Variants in SGCZ observed in about 807,000 individuals in gnomAD.
SGCZ encodes the protein sarcoglycan zeta.
A neutral mutation model predicts 41.3 loss-of-function variants in SGCZ; 40 were observed. The observed-to-expected ratio is 0.97, with a 90% confidence interval of 0.75 to 1.26. The LOEUF (loss-of-function observed/expected upper bound fraction) is 1.26. Ranked by LOEUF, SGCZ falls within the 50% of genes most tolerant of loss-of-function variation. SGCZ has a pLI of 0.00. For missense variants in SGCZ, 552 were observed against 369.8 expected, an observed-to-expected ratio of 1.49 and a Z score of -4.04; for synonymous variants, 206 against 137.5, an observed-to-expected ratio of 1.50 and a Z score of -3.49.
intron 4 of SGCZ, among the ~76,000 whole-genome samples, chr8:14,187,034 TG>T (rs1396753035): frequency 7.2e-5 from 11 of 152,168 alleles, no homozygotes; most frequent in African/African-American, 2.7e-4. Flanking sequence ...GATTATCAGC[TG>T]GGTCTGGGTC....
chr8:14,340,714 T>TC (rs1419640263), intron 2 of SGCZ, among the ~76,000 whole-genome samples: 1 of 152,092 alleles, frequency 6.6e-6, no homozygotes, highest in Non-Finnish European at 1.5e-5. Context: ...AGCTAGAAAA[T>TC]CTCTGATAAA....
At chr8:14,779,413 A>G (rs966014373) in intron 1 of SGCZ, among the ~76,000 whole-genome samples, 1 of 152,084 alleles carries the variant, frequency 6.6e-6, no homozygotes, top group Non-Finnish European at 1.5e-5. Flanking sequence ...AAGTGCATCC[A>G]CCAAGGCCGG....
intron 1 of SGCZ, among the ~76,000 whole-genome samples, chr8:14,695,193 T>G (rs923633952): frequency 6.6e-6 from 1 of 152,182 alleles, no homozygotes; most frequent in Non-Finnish European, 1.5e-5. Flanking sequence ...GAAATATTTT[T>G]ATGATGATAA....
intron 1 of SGCZ, among the ~76,000 whole-genome samples, chr8:15,051,207 C>T (rs576229216): frequency 1.3e-4 from 20 of 152,012 alleles, no homozygotes; most frequent in African/African-American, 2.7e-4. Context: ...AAGTCGAAAA[C>T]GTAAAGAAAG....
intron 5 of SGCZ, among the ~76,000 whole-genome samples, chr8:14,137,011 C>T (rs377721874): frequency 2.0e-5 from 3 of 152,216 alleles, no homozygotes; most frequent in South Asian, 2.1e-4. Flanking sequence ...GCAGCCTCTA[C>T]TGGTGATACC....
rs547340033 is a variant in SGCZ, at chr8:14,901,294, T to C, written c.39+336291A>G. Among the ~76,000 whole-genome samples the C allele has an allele frequency of 9.8e-5, 15 of 152,298 alleles. 1 individual carries two copies. In the South Asian group the frequency reaches 3.1e-3, roughly 32 times the overall value. ...CTCACTGGTAACCACAGTTTTATTA[T>C]GAGTTGAAGGAACAGAAAGGCATCT... On this transcript the variant is annotated intron_variant, in intron 1 of 7. Transcript: ENST00000382080.
chr8:14,121,925 A>G (rs1378528363), intron 5 of SGCZ, among the ~76,000 whole-genome samples: 2 of 152,224 alleles, frequency 1.3e-5, no homozygotes, highest in Non-Finnish European at 2.9e-5. Flanking sequence ...TGATACATAA[A>G]TAGCCCTACA....
At chr8:14,663,481 C>T (rs947586050) in intron 1 of SGCZ, among the ~76,000 whole-genome samples, 11 of 152,072 alleles carry the variant, frequency 7.2e-5, no homozygotes, top group Non-Finnish European at 1.3e-4. Flanking sequence ...CCACAATTTA[C>T]TGGCTGTGAT....
intron 2 of SGCZ, among the ~76,000 whole-genome samples, chr8:14,456,238 G>T (rs1410595400): frequency 6.6e-6 from 1 of 151,992 alleles, no homozygotes; most frequent in African/African-American, 2.4e-5. Context: ...GTGAAACCCT[G>T]TCTCTACTAA....
In SGCZ at chr8:14,772,997, T is replaced by A. The variant is rs536985975; in HGVS notation, c.40-218071A>T. 2.8e-3 allele frequency among the ~76,000 whole-genome samples: 426 copies of A among 152,234 alleles called. 2 individuals are homozygous for A. The highest frequency in any genetic ancestry group is 0.01 in the Middle Eastern group (3 of 290). On this transcript the variant is annotated intron_variant, in intron 1 of 7. Coordinates refer to ENST00000382080, the MANE Select transcript of SGCZ (RefSeq NM_139167.4). ...CTCTAGTTCTAGATCCCTGAGAAAT[T>A]GCCACACTGACTTCCACAATGGTTG...
intron 1 of SGCZ, among the ~76,000 whole-genome samples, chr8:14,589,124 T>C (rs943450971): frequency 6.6e-6 from 1 of 152,130 alleles, no homozygotes; most frequent in Non-Finnish European, 1.5e-5. Flanking sequence ...ACATGGCACA[T>C]GTATACATAT....
At chr8:14,264,735 G>A (rs1439582876) in intron 3 of SGCZ, among the ~76,000 whole-genome samples, 3 of 152,168 alleles carry the variant, frequency 2.0e-5, no homozygotes. Flanking sequence ...TCCGAGGCGG[G>A]CGGATCACGA....
At chr8:14,978,449 G>A (rs1801555583) in intron 1 of SGCZ, among the ~76,000 whole-genome samples, 1 of 105,684 alleles carries the variant, frequency 9.5e-6, no homozygotes. Context: ...CTAGCCTGGA[G>A]GACCGAGTGA....
intron 1 of SGCZ, among the ~76,000 whole-genome samples, chr8:14,763,719 A>C (rs1369699619): frequency 1.3e-5 from 2 of 152,194 alleles, no homozygotes; most frequent in Non-Finnish European, 2.9e-5. Flanking sequence ...ATCTATCTAC[A>C]ATAAGTAACA....
chr8:14,375,036 G>C (rs1804062085), intron 2 of SGCZ, among the ~76,000 whole-genome samples: 1 of 152,070 alleles, frequency 6.6e-6, no homozygotes, highest in Non-Finnish European at 1.5e-5. Flanking sequence ...ACTGAGTTTG[G>C]TTTAAAGAGA....
chr8:14,429,747 C>T (rs1178466164), intron 2 of SGCZ, among the ~76,000 whole-genome samples: 8 of 150,838 alleles, frequency 5.3e-5, no homozygotes, highest in Non-Finnish European at 7.4e-5. Flanking sequence ...TGTGTGATCT[C>T]GGCCAGCATA....
chr8:14,595,995 G>A (rs995734573), intron 1 of SGCZ, among the ~76,000 whole-genome samples: 1 of 152,176 alleles, frequency 6.6e-6, no homozygotes, highest in Non-Finnish European at 1.5e-5. Flanking sequence ...ACAGAAACAG[G>A]CAGCTGTTGG....
intron 3 of SGCZ, among the ~76,000 whole-genome samples, chr8:14,244,741 C>T (rs1352871566): frequency 6.6e-6 from 1 of 151,946 alleles, no homozygotes; most frequent in South Asian, 2.1e-4. Flanking sequence ...AATGTTCTTC[C>T]ATTTGTTTCT....
chr8:14,570,711 G>A (rs1804524427), intron 1 of SGCZ, among the ~76,000 whole-genome samples: 1 of 152,084 alleles, frequency 6.6e-6, no homozygotes, highest in African/African-American at 2.4e-5. Flanking sequence ...TTTTGGAAAT[G>A]TAACAAATAT....
Sources: allele counts gnomAD v4.1 joint callset (sites outside exome capture counted in the v4.1 genomes callset), GRCh38; gene constraint gnomAD v4.1.1; transcripts MANE v1.5; gene names NCBI Gene and HGNC (gene_info 2026-07-23, HGNC 2026-07-21).